The following KMT2B variants were observed in gnomAD, a reference collection of about 807,000 sequenced individuals.
The protein encoded by KMT2B is lysine methyltransferase 2B.
In KMT2B, 22 loss-of-function variants were observed where a neutral mutation model predicts 255.3. The observed-to-expected ratio is 0.09, with a 90% confidence interval of 0.06 to 0.12. The LOEUF is 0.12. Among genes scored for constraint, KMT2B ranks in the 10% least tolerant of loss-of-function variants. The pLI is 1.00. For missense variants in KMT2B, 3,149 were observed against 3,737.0 expected (o/e 0.84, Z 4.10); for synonymous variants, 1,730 against 1,498.1 (o/e 1.15, Z -3.57).
At chr19:35,730,649 G>A in intron 25 of KMT2B, 33 bp downstream of exon 25, 1 of 1,613,874 alleles carries the variant, frequency 6.2e-7, no homozygotes, top group Non-Finnish European at 8.5e-7. Flanking sequence ...GGGGCCAGGG[G>A]ACTCCATAGC....
rs368578549 is a variant in KMT2B, at chr19:35,719,850, A to T, written c.503A>T (p.Asp168Val). ...CCCCTTCCTCCTCCTCGCCTAGCAG[A>T]TGTGGCTCCTACCCCCCCAAAGACC... ...TTPLPPPRLA[D>V]VAPTPPKTPA... The change falls in exon 3 of 37, where the codon GAT becomes GTT. Residue 168 changes from aspartate (D) to valine (V), a missense_variant. Asp to Val is a radical substitution (Grantham distance 152). This residue lies in a region of KMT2B where 1,188 missense variants were observed against 1,106.4 expected (regional missense o/e 1.07). Coordinates refer to ENST00000420124, the MANE Select transcript of KMT2B (RefSeq NM_014727.3). 4 of 1,612,894 alleles carry T rather than the reference A, an allele frequency of 2.5e-6. No homozygotes were observed. In the Admixed American group the frequency reaches 6.7e-5, roughly 27 times the overall value.
chr19:35,733,712 G>C lies in KMT2B; in HGVS notation c.7049+26G>C, dbSNP rs977803383. On this transcript the variant is annotated intron_variant, in intron 29 of 36. Coordinates refer to ENST00000420124, the MANE Select transcript of KMT2B (RefSeq NM_014727.3). The surrounding 1 kb of genome is among the most constrained non-coding windows in gnomAD (Gnocchi z 4.3). ...GTGAGTGGCCAGGCCCCTCTCCCTGGAGGGTCTGGGACCTCTGTCCTTCCC... is the reference window on the plus strand; with the variant it reads ...GTGAGTGGCCAGGCCCCTCTCCCTGCAGGGTCTGGGACCTCTGTCCTTCCC... 2 of 1,606,798 alleles carry C rather than the reference G, an allele frequency of 1.2e-6. No homozygotes were observed. The highest frequency in any genetic ancestry group is 1.7e-6 in the Non-Finnish European group (2 of 1,176,432).
rs764158658 is a variant in KMT2B, at chr19:35,722,350, C to G, written c.2458-9C>G. On this transcript the variant is annotated splice_polypyrimidine_tract_variant and intron_variant, in intron 3 of 36. Transcript: ENST00000420124. ...TGTCCAGCCCCTGACCCTGTTTATT[C>G]CCTGCCAGCTGAGCCCTGGAGGGCA... 1 of 1,602,290 alleles carries G rather than the reference C, an allele frequency of 6.2e-7. No homozygotes were observed. Among genetic ancestry groups the G allele is most frequent in the East Asian group, 2.2e-5 (1 of 44,674 alleles).
At position 35,730,581 on chromosome 19, in the gene KMT2B, G is replaced by C; in HGVS notation, c.5241G>C (p.Ser1747=). ...CCCTGGGTACTCTGTCTGATCTCTCGGACTGCGAGGGACGGCTCTTCCCCA... is the reference window on the plus strand; with the variant it reads ...CCCTGGGTACTCTGTCTGATCTCTCCGACTGCGAGGGACGGCTCTTCCCCA... ...IDSLGTLSDL[S]DCEGRLFPIG... is the part of the protein sequence containing the mutation. Residue 1747 remains serine (S), a synonymous_variant, in exon 25 of 37, where the codon TCG becomes TCC. Transcript: ENST00000420124. 1 of 1,613,966 alleles carries C rather than the reference G, an allele frequency of 6.2e-7. No homozygotes were observed. Among genetic ancestry groups the C allele is most frequent in the Non-Finnish European group, 8.5e-7 (1 of 1,179,890 alleles).
At position 35,721,616 on chromosome 19, in the gene KMT2B, C is replaced by G. The variant is rs1476977692; in HGVS notation, c.2269C>G (p.Gln757Glu). 6.2e-7 allele frequency: 1 copy of G among 1,612,804 alleles called. No individual in the cohort carries two copies. Among genetic ancestry groups the G allele is most frequent in the East Asian group, 2.2e-5 (1 of 44,866 alleles). ...CCTGCCCCAGGCACTACCGCCACCA[C>G]AGCCACAGCTGCAGCCACCGCCGTC... ...QLLPQALPPPQPQLQPPPSPQ... is the reference protein window; with the variant it reads ...QLLPQALPPPEPQLQPPPSPQ... Residue 757 changes from glutamine to glutamate, a missense_variant, in exon 3 of 37, where the codon CAG (glutamine) becomes GAG (glutamate). Gln to Glu is a conservative substitution (Grantham distance 29). Transcript: ENST00000420124.
chr19:35,737,254 T>C lies in KMT2B; in HGVS notation c.7541T>C (p.Val2514Ala). The C allele has an allele frequency of 6.5e-7, 1 of 1,528,334 alleles. No individual in the cohort carries two copies. The highest frequency in any genetic ancestry group is 1.3e-5 in the South Asian group (1 of 79,604). The allele number at this position is 1,528,334 out of a possible 1,614,324, so 94.7% of individuals were successfully genotyped here. A position where few individuals can be genotyped will look rare whatever the true frequency, so the allele number is the denominator to read the frequency against. ...LNPHGAARAEVYLRKCTFDMF... is the reference protein window; with the variant it reads ...LNPHGAARAEAYLRKCTFDMF... ...CCCCATGGGGCTGCTCGGGCAGAGG[T>C]CTATCTCCGGTGAGAGGTCTGGGGT... Residue 2514 changes from valine (V) to alanine (A), a missense_variant, in exon 33 of 37, where the codon GTC (valine) becomes GCC (alanine). Coordinates refer to ENST00000420124, the MANE Select transcript of KMT2B (RefSeq NM_014727.3). This position sits in a 1 kb window ranked among gnomAD's most constrained non-coding sequence, Gnocchi z 5.3.
chr19:35,722,881 C>T lies in KMT2B; in HGVS notation c.2723-114C>T, dbSNP rs921531340. ...CCTAGAGCAACTTCATTTGGGGGCA[C>T]CAGGAACCTGGCGCTGTGAGAAAGC... On this transcript the variant is annotated intron_variant, in intron 5 of 36. Transcript: ENST00000420124. 5 of 1,424,556 alleles carry T rather than the reference C, an allele frequency of 3.5e-6. No homozygotes were observed. In the African/African-American group the frequency reaches 7.2e-5, roughly 21 times the overall value. 88.2% of individuals were successfully genotyped at this position (1,424,556 alleles called of 1,614,324 possible).
rs769851153 is a variant in KMT2B, at chr19:35,732,274, C to T, written c.5725C>T (p.Pro1909Ser). ...AGTGGGAGACCCGGACTTCCCAGCT[C>T]CCCCCAGACGTTCCCGTCGTCCCAG... ...PTVGDPDFPA[P>S]PRRSRRPSPL... Residue 1909 changes from proline to serine, a missense_variant, in exon 28 of 37, where the codon CCC becomes TCC. By Grantham distance (74) the Pro-to-Ser change is moderately conservative (BLOSUM62 -1). Coordinates refer to ENST00000420124, the MANE Select transcript of KMT2B (RefSeq NM_014727.3). The T allele has an allele frequency of 6.2e-7, 1 of 1,608,942 alleles. No homozygotes were observed. Among genetic ancestry groups the T allele is most frequent in the Non-Finnish European group, 8.5e-7 (1 of 1,177,464 alleles).
chr19:35,727,103 A>G lies in KMT2B; in HGVS notation c.4004-53A>G. ...TGCTAATCCTTGAACAGAGACACTC[A>G]GGGCTGAGTGGGAACTCCAGCACCT... On this transcript the variant is annotated intron_variant, in intron 14 of 36. Coordinates refer to ENST00000420124, the MANE Select transcript of KMT2B (RefSeq NM_014727.3). The surrounding 1 kb of genome is among the most constrained non-coding windows in gnomAD (Gnocchi z 4.2). The G allele has an allele frequency of 7.7e-7, 1 of 1,304,848 alleles. No homozygotes were observed. The highest frequency in any genetic ancestry group is 1.1e-6 in the Non-Finnish European group (1 of 921,930). The allele number at this position is 1,304,848 out of a possible 1,614,324, so 80.8% of individuals were successfully genotyped here.
Position 35,733,570 on chromosome 19 carries a change from T to C in KMT2B, c.6960-27T>C. The stretch of plus-strand genomic sequence containing the variant: ...GGGGCAGATGGGCGGGAGATGCGGC[T>C]CATCCTTCTCGGGCTCGCCCTCCCA... On this transcript the variant is annotated intron_variant, in intron 28 of 36. Coordinates refer to ENST00000420124, the MANE Select transcript of KMT2B (RefSeq NM_014727.3). The surrounding 1 kb of genome is among the most constrained non-coding windows in gnomAD (Gnocchi z 4.3). The C allele has an allele frequency of 6.4e-7, 1 of 1,559,426 alleles. No individual in the cohort carries two copies. The highest frequency in any genetic ancestry group is 8.7e-7 in the Non-Finnish European group (1 of 1,151,784).
chr19:35,730,710 C>T lies in KMT2B; in HGVS notation c.5280C>T (p.Cys1760=), dbSNP rs757681394. The T allele has an allele frequency of 2.7e-5, 44 of 1,613,834 alleles. No homozygotes were observed. The highest frequency in any genetic ancestry group is 3.4e-5 in the Non-Finnish European group (40 of 1,179,898). The part of the protein sequence containing the change: ...EGRLFPIGYQ[C]SRLYWSTVDA... ...ACCGTCTTATCCCACATGCCAGGTG[C>T]TCCCGTCTGTACTGGAGCACAGTGG... The change falls in exon 26 of 37, where the codon TGC becomes TGT. Residue 1760 remains cysteine (C), a synonymous_variant. Transcript: ENST00000420124.
At position 35,732,144 on chromosome 19, in the gene KMT2B, C is replaced by T. The variant is rs114226734; in HGVS notation, c.5665+9C>T. On this transcript the variant is annotated intron_variant, in intron 27 of 36. Transcript: ENST00000420124. The stretch of plus-strand genomic sequence containing the variant: ...CCCCCTGCCCTCCCCTGGTGAGCAC[C>T]GGGCATGTGGGGGTTGGGGGTGGAG... The T allele has an allele frequency of 2.5e-4, 388 of 1,580,708 alleles. No individual in the cohort carries two copies. In the African/African-American group the frequency reaches 4.4e-3, roughly 18 times the overall value.
chr19:35,719,397 G>C, intron 1 of KMT2B, 72 bp from the exon 2 acceptor site: 1 of 1,108,528 alleles, frequency 9.0e-7, no homozygotes, highest in Non-Finnish European at 1.3e-6. Context: ...GATATTCCTC[G>C]ATACCTCAGA....
chr19:35,723,308 T>C lies in KMT2B; in HGVS notation c.3002+34T>C. 1 of 1,598,682 alleles carries C rather than the reference T, an allele frequency of 6.3e-7. No homozygotes were observed. Among genetic ancestry groups the C allele is most frequent in the Non-Finnish European group, 8.6e-7 (1 of 1,169,544 alleles). On this transcript the variant is annotated intron_variant, in intron 6 of 36. Coordinates refer to ENST00000420124, the MANE Select transcript of KMT2B (RefSeq NM_014727.3). This position sits in a 1 kb window ranked among gnomAD's most constrained non-coding sequence, Gnocchi z 7.5. ...CTGGGGCGTGACCTCATTCCCGTGGTTGTTGGTCCCCTAGGCTTCCTACCT... is the reference window on the plus strand; with the variant it reads ...CTGGGGCGTGACCTCATTCCCGTGGCTGTTGGTCCCCTAGGCTTCCTACCT...
In KMT2B at chr19:35,732,548, C is replaced by T. The variant is rs933801145; in HGVS notation, c.5999C>T (p.Thr2000Ile). The change falls in exon 28 of 37, where the codon ACT (threonine) becomes ATT (isoleucine). Residue 2000 changes from threonine to isoleucine, a missense_variant. Thr to Ile is a moderately conservative substitution (Grantham distance 89). Around this residue, in one of 18 missense-constraint regions of KMT2B, gnomAD observed 897 missense variants for 825.3 expected, o/e 1.09. Coordinates refer to ENST00000420124, the MANE Select transcript of KMT2B (RefSeq NM_014727.3). ...GACTTCGCGGCCAGCCTGCTGGGGACTGAGCCCTTCCAGGAAGAGATTGTA... is the reference window on the plus strand; with the variant it reads ...GACTTCGCGGCCAGCCTGCTGGGGATTGAGCCCTTCCAGGAAGAGATTGTA... ...DLDFAASLLG[T>I]EPFQEEIVAA... is the part of the protein sequence containing the mutation. 1.9e-6 allele frequency: 3 copies of T among 1,613,760 alleles called. No individual in the cohort carries two copies. The African/African-American group carries it at 4.0e-5, about 22-fold the overall frequency.
At chr19:35,726,681 T>G (rs946050888) in intron 14 of KMT2B, among the ~76,000 whole-genome samples, 5 of 152,096 alleles carry the variant, frequency 3.3e-5, no homozygotes, top group Admixed American at 1.3e-4. Flanking sequence ...CTGCAGAGTC[T>G]GAAAAGAGGC....
At position 35,737,381 on chromosome 19, in the gene KMT2B, AAG is replaced by A. The variant is rs1490210554; in HGVS notation, c.7550+121_7550+122del. 8.8e-7 allele frequency: 1 copy of A among 1,130,294 alleles called. No individual in the cohort carries two copies. Among genetic ancestry groups the A allele is most frequent in the African/African-American group, 1.6e-5 (1 of 63,532 alleles). 70.0% of individuals were successfully genotyped at this position (1,130,294 alleles called of 1,614,324 possible). A position where few individuals can be genotyped will look rare whatever the true frequency, so the allele number is the denominator to read the frequency against. ...TGGGGAGGAGACACTAGGTCACTTG[AAG>A]AGTTATTTCTAGAGTTAGCCAGGCT... On this transcript the variant is annotated intron_variant, in intron 33 of 36. Transcript: ENST00000420124. The surrounding 1 kb of genome is among the most constrained non-coding windows in gnomAD (Gnocchi z 5.3).
chr19:35,732,438 G>T lies in KMT2B; in HGVS notation c.5889G>T (p.Pro1963=), dbSNP rs775753855. The change falls in exon 28 of 37, where the codon CCG becomes CCT. Residue 1963 remains proline (P), a synonymous_variant. Coordinates refer to ENST00000420124, the MANE Select transcript of KMT2B (RefSeq NM_014727.3). ...CAGGGGAGCTGGCTCCCCCTGGCCC[G>T]GCCCCATCTCCACCACCCCCTGAAG... ...PTSGELAPPG[P]APSPPPPEDL... 1 of 1,613,700 alleles carries T rather than the reference G, an allele frequency of 6.2e-7. No individual in the cohort carries two copies. The highest frequency in any genetic ancestry group is 1.7e-5 in the Admixed American group (1 of 60,000).
chr19:35,733,303 G>GGGCC lies in KMT2B; in HGVS notation c.6754_6755insGGCC (p.Ala2252GlyfsTer52). 9.7e-6 allele frequency: 13 copies of GGGCC among 1,340,080 alleles called. No individual in the cohort carries two copies. The highest frequency in any genetic ancestry group is 1.4e-5 in the Non-Finnish European group (13 of 961,250). 83.0% of individuals were successfully genotyped at this position (1,340,080 alleles called of 1,614,324 possible). A position where few individuals can be genotyped will look rare whatever the true frequency, so the allele number is the denominator to read the frequency against. ...GCCCGTGGTCGGAGTGGTCCGCCCTGCCCCGCCCCCGCCACCCCCTCCCCT... is the reference window on the plus strand; with the variant it reads ...GCCCGTGGTCGGAGTGGTCCGCCCTGGGCCCCCCGCCCCCGCCACCCCCTCCCCT... On this transcript the variant is annotated frameshift_variant, in exon 28 of 37. Coordinates refer to ENST00000420124, the MANE Select transcript of KMT2B (RefSeq NM_014727.3). LOFTEE classifies it high-confidence loss of function. The surrounding 1 kb of genome is among the most constrained non-coding windows in gnomAD (Gnocchi z 4.3).
Sources: gnomAD v4.1 joint callset for allele counts (sites outside exome capture counted in the v4.1 genomes callset) on GRCh38, gnomAD v4.1.1 for gene constraint, gnomAD v4.1.1 regional missense constraint, Gnocchi (gnomAD v3.1) non-coding constraint, MANE v1.5 for transcripts, NCBI Gene and HGNC (gene_info 2026-07-23, HGNC 2026-07-21) for gene names.